Variants in GNAL observed in about 807,000 individuals in gnomAD.
GNAL encodes guanine nucleotide-binding protein G(olf) subunit alpha.
A neutral mutation model predicts 55.1 loss-of-function variants in GNAL; 18 were observed. The ratio of observed to expected loss-of-function variants is 0.33; its 90% CI spans 0.23 to 0.48. The LOEUF (loss-of-function observed/expected upper bound fraction) is 0.48, where lower values mean the gene tolerates loss of function less well. Among genes scored for constraint, GNAL ranks in the 20% least tolerant of loss-of-function variants. GNAL has a pLI of 0.99. For missense variants in GNAL, 412 were observed against 614.1 expected (o/e 0.67, Z 3.48); for synonymous variants, 253 against 237.0 (o/e 1.07, Z -0.62).
chr18:11,726,218 G>T (rs2032208066), intron 1 of GNAL, among the ~76,000 whole-genome samples: 1 of 152,194 alleles, frequency 6.6e-6, no homozygotes, highest in Non-Finnish European at 1.5e-5. Context: ...GTTGGCTGTT[G>T]ACTTTCCCTT....
chr18:11,746,680 A>G (rs1001439759), intron 1 of GNAL: 3 of 257,916 alleles, frequency 1.2e-5, no homozygotes, highest in Non-Finnish European at 2.3e-5. Flanking sequence ...ACAGAAGGAT[A>G]GGCTCCATTT....
chr18:11,867,106 A>C, intron 7 of GNAL, 62 bp from the exon 8 acceptor site: 1 of 1,277,980 alleles, frequency 7.8e-7, no homozygotes, highest in South Asian at 1.2e-5. Context: ...GAGGAAAGCA[A>C]GCACGTTTGC....
At chr18:11,804,096 G>A (rs576381771) in intron 4 of GNAL, among the ~76,000 whole-genome samples, 1 of 150,844 alleles carries the variant, frequency 6.6e-6, no homozygotes, top group East Asian at 2.0e-4. Context: ...AAGTACAGGA[G>A]CAGTTTGAGT....
At chr18:11,733,428 A>C (rs1457337707) in intron 1 of GNAL, among the ~76,000 whole-genome samples, 4 of 152,226 alleles carry the variant, frequency 2.6e-5, no homozygotes, top group African/African-American at 9.6e-5. Context: ...GGACACAGCC[A>C]GTTCTCCAGA....
intron 5 of GNAL, among the ~76,000 whole-genome samples, chr18:11,836,538 A>G (rs1006129610): frequency 6.6e-6 from 1 of 152,202 alleles, no homozygotes; most frequent in African/African-American, 2.4e-5. Flanking sequence ...GCTCATATTT[A>G]TTGAAACTTG....
intron 4 of GNAL, among the ~76,000 whole-genome samples, chr18:11,797,222 G>A (rs773165175): frequency 9.2e-5 from 14 of 151,594 alleles, no homozygotes; most frequent in Non-Finnish European, 1.2e-4. Context: ...GTGAGCCACC[G>A]CACCCGGCCA....
intron 1 of GNAL, among the ~76,000 whole-genome samples, chr18:11,692,487 C>G (rs2143281349): frequency 6.6e-6 from 1 of 152,254 alleles, no homozygotes; most frequent in East Asian, 1.9e-4. Flanking sequence ...TTCCAGAGGT[C>G]TGAGGATACA....
At chr18:11,797,145 TG>T (rs2034412062) in intron 4 of GNAL, among the ~76,000 whole-genome samples, 1 of 152,202 alleles carries the variant, frequency 6.6e-6, no homozygotes, top group Non-Finnish European at 1.5e-5. Flanking sequence ...TTGGCCAGGC[TG>T]GTCTCAAACT....
chr18:11,739,428 A>G (rs1462416714), intron 1 of GNAL, among the ~76,000 whole-genome samples: 1 of 152,104 alleles, frequency 6.6e-6, no homozygotes, highest in Non-Finnish European at 1.5e-5. Flanking sequence ...GGGGCAGGGT[A>G]TTCCCTTAGG....
intron 5 of GNAL, among the ~76,000 whole-genome samples, chr18:11,838,695 G>C (rs1422218911): frequency 6.6e-6 from 1 of 152,200 alleles, no homozygotes; most frequent in Non-Finnish European, 1.5e-5. Flanking sequence ...CACGCATGGT[G>C]ACAGTGTGGG....
Position 11,752,720 on chromosome 18 carries a change from G to T in GNAL, c.377-133G>T. ...GGAGCCCAGACGGCGGCCGGGGCGAGCTCCTCCAGCCAGGAACCCGCGTGT... is the reference window on the plus strand; with the variant it reads ...GGAGCCCAGACGGCGGCCGGGGCGATCTCCTCCAGCCAGGAACCCGCGTGT... On this transcript the variant is annotated intron_variant, in intron 1 of 11. Coordinates refer to ENST00000334049, the MANE Select transcript of GNAL (RefSeq NM_182978.4). This position sits in a 1 kb window ranked among gnomAD's most constrained non-coding sequence, Gnocchi z 4.5. 2.6e-6 allele frequency: 3 copies of T among 1,161,876 alleles called. No homozygotes were observed. The highest frequency in any genetic ancestry group is 3.2e-5 in the South Asian group (2 of 63,280). 72.0% of individuals were successfully genotyped at this position (1,161,876 alleles called of 1,614,324 possible).
rs2036856668 is a variant in GNAL, at chr18:11,884,327, T to C, written c.*3192T>C. On this transcript the variant is annotated 3_prime_UTR_variant, in exon 12 of 12. Transcript: ENST00000334049. Reference sequence around the variant, plus strand: ...AGTTACTCATTTCAGTGATTGAGAATTTCTGTGCTGTGCAGAGAGACGGCC... The same window carrying C: ...AGTTACTCATTTCAGTGATTGAGAACTTCTGTGCTGTGCAGAGAGACGGCC... 1.1e-6 allele frequency: 1 copy of C among 941,026 alleles called. No homozygotes were observed. Among genetic ancestry groups the C allele is most frequent in the Non-Finnish European group, 1.6e-6 (1 of 613,774 alleles). The allele number at this position is 941,026 out of a possible 1,614,324, so 58.3% of individuals were successfully genotyped here. A position where few individuals can be genotyped will look rare whatever the true frequency, so the allele number is the denominator to read the frequency against.
chr18:11,852,112 C>G, intron 5 of GNAL: 1 of 1,587,500 alleles, frequency 6.3e-7, no homozygotes, highest in Non-Finnish European at 8.6e-7. Context: ...TCAAGTGTGA[C>G]GGCAGAACCC....
At chr18:11,841,740 C>T (rs1266923440) in intron 5 of GNAL, among the ~76,000 whole-genome samples, 1 of 152,010 alleles carries the variant, frequency 6.6e-6, no homozygotes, top group East Asian at 1.9e-4. Context: ...ACCTCTGCTT[C>T]CCAACTGCGG....
chr18:11,866,124 G>A (rs781404606), intron 7 of GNAL, among the ~76,000 whole-genome samples: 10 of 150,102 alleles, frequency 6.7e-5, no homozygotes, highest in Non-Finnish European at 1.3e-4. Flanking sequence ...TGGAGTTGGC[G>A]TGACTTGTGG....
Position 11,881,349 on chromosome 18 carries a change from A to C in GNAL, c.*214A>C. On this transcript the variant is annotated 3_prime_UTR_variant, in exon 12 of 12. Transcript: ENST00000334049. This position sits in a 1 kb window ranked among gnomAD's most constrained non-coding sequence, Gnocchi z 4.8. The stretch of plus-strand genomic sequence containing the variant: ...CGGCCTCCCGCAGCATCCCACCCCC[A>C]AACCACCGACTCTCATTGCCGACAC... The C allele has an allele frequency of 2.2e-6, 1 of 446,512 alleles. No homozygotes were observed. Among genetic ancestry groups the C allele is most frequent in the South Asian group, 4.6e-5 (1 of 21,894 alleles). The allele number at this position is 446,512 out of a possible 1,614,324, so 27.7% of individuals were successfully genotyped here.
intron 1 of GNAL, among the ~76,000 whole-genome samples, chr18:11,702,918 G>T (rs1055025295): frequency 6.6e-6 from 1 of 151,894 alleles, no homozygotes; most frequent in African/African-American, 2.4e-5. Context: ...AGGAGTTCCA[G>T]ACCAGCCTGG....
intron 4 of GNAL, among the ~76,000 whole-genome samples, chr18:11,760,592 C>T (rs2033208042): frequency 6.6e-6 from 1 of 152,098 alleles, no homozygotes. Context: ...GTCTCACTGC[C>T]CCTCTGCTGG....
intron 5 of GNAL, among the ~76,000 whole-genome samples, chr18:11,855,320 ATATAAT>A (rs1325138000): frequency 6.6e-6 from 1 of 152,172 alleles, no homozygotes; most frequent in African/African-American, 2.4e-5. Flanking sequence ...CCAAAGATGG[ATATAAT>A]TTACAAAAGT....
Sources: allele counts gnomAD v4.1 joint callset (sites outside exome capture counted in the v4.1 genomes callset), GRCh38; gene constraint gnomAD v4.1.1; non-coding constraint Gnocchi (gnomAD v3.1); transcripts MANE v1.5; gene names NCBI Gene and HGNC (gene_info 2026-07-23, HGNC 2026-07-21).